Variants in DIAPH2 observed in about 807,000 individuals in gnomAD.
DIAPH2 encodes the protein diaphanous related formin 2.
A neutral mutation model predicts 92.7 loss-of-function variants in DIAPH2; 35 were observed. That is an observed-to-expected ratio of 0.38 (90% confidence interval 0.29 to 0.50). The LOEUF (loss-of-function observed/expected upper bound fraction) is 0.50. Among genes scored for constraint, DIAPH2 ranks in the 20% least tolerant of loss-of-function variants. The pLI is 0.94. For synonymous variants in DIAPH2, 301 were observed against 280.4 expected, an observed-to-expected ratio of 1.07 and a Z score of -0.73; for missense variants, 701 against 819.5, an observed-to-expected ratio of 0.86 and a Z score of 1.77.
chrX:97,143,322 A>AC, intron 22 of DIAPH2, among the ~76,000 whole-genome samples: 1 of 110,883 alleles, frequency 9.0e-6, no homozygotes, highest in East Asian at 2.8e-4. Context: ...AAGACCAGTT[A>AC]TTAAATTAGC....
intron 26 of DIAPH2, among the ~76,000 whole-genome samples, chrX:97,497,862 G>GTC (rs774631417): frequency 1.9e-3 from 207 of 110,852 alleles, no homozygotes; most frequent in African/African-American, 6.4e-3. Context: ...GAGTGAGTGA[G>GTC]TCTCTCTCTC....
At chrX:97,245,990 CCTCCTGGGTTTGAGTGATT>C (rs2068139167) in intron 22 of DIAPH2, among the ~76,000 whole-genome samples, 1 of 107,788 alleles carries the variant, frequency 9.3e-6, no homozygotes, top group Admixed American at 1.0e-4. Flanking sequence ...GCAACCTCCA[CCTCCTGGGTTTGAGTGATT>C]CTCCTGCCTT....
Position 96,939,332 on chromosome X carries a change from C to A in DIAPH2, c.1275C>A (p.Phe425Leu), listed in dbSNP as rs20361. The change falls in exon 12 of 27, where the codon TTC becomes TTA. Residue 425 changes from phenylalanine (F) to leucine (L), a missense_variant. Phe to Leu is a conservative substitution (Grantham distance 22). Around this residue, in one of 3 missense-constraint regions of DIAPH2, gnomAD observed 536 missense variants for 599.3 expected, o/e 0.89. Coordinates refer to ENST00000324765, the MANE Select transcript of DIAPH2 (RefSeq NM_006729.5). ...MLKDTAAENY[F>L]LSILQHFLLI... is the part of the protein sequence containing the mutation. ...AGGACACTGCTGCTGAAAATTACTT[C>A]TTATCTATTCTACAACATTTTTTGC... 34 of 1,149,075 alleles carry A rather than the reference C, an allele frequency of 3.0e-5. No individual in the cohort carries two copies. The highest frequency in any genetic ancestry group is 3.7e-5 in the Non-Finnish European group (31 of 848,487). 94.7% of individuals were successfully genotyped at this position (1,149,075 alleles called of 1,213,427 possible). A position where few individuals can be genotyped will look rare whatever the true frequency, so the allele number is the denominator to read the frequency against.
At position 97,600,606 on chromosome X, in the gene DIAPH2, C is replaced by A. The variant is rs1657854113; in HGVS notation, c.*1289C>A. The A allele has an allele frequency of 8.9e-6, 1 of 112,277 alleles. No homozygotes were observed. Among genetic ancestry groups the A allele is most frequent in the African/African-American group, 3.2e-5 (1 of 30,845 alleles). 9.3% of individuals were successfully genotyped at this position (112,277 alleles called of 1,213,427 possible). ...ATTAGGGAGTAAAAGTTATACTTAA[C>A]TTGTCTGTCTATTATTTTAAAATAT... On this transcript the variant is annotated 3_prime_UTR_variant, in exon 27 of 27. Transcript: ENST00000324765.
intron 23 of DIAPH2, among the ~76,000 whole-genome samples, chrX:97,331,817 G>T (rs1197044732): frequency 8.9e-6 from 1 of 111,832 alleles, no homozygotes; most frequent in African/African-American, 3.2e-5. Context: ...AATGGATTCT[G>T]ATCTTCAAAC....
intron 26 of DIAPH2, among the ~76,000 whole-genome samples, chrX:97,544,762 G>A (rs2071166935): frequency 8.9e-6 from 1 of 112,140 alleles, no homozygotes; most frequent in South Asian, 3.7e-4. Flanking sequence ...TAAGTTGTCT[G>A]AATCATTGGG....
intron 17 of DIAPH2, among the ~76,000 whole-genome samples, chrX:96,993,692 C>T (rs1050505280): frequency 2.3e-4 from 26 of 111,532 alleles, no homozygotes; most frequent in African/African-American, 7.5e-4. Flanking sequence ...GGACTCAGAA[C>T]GTAACTATAT....
intron 9 of DIAPH2, among the ~76,000 whole-genome samples, chrX:96,926,230 C>G (rs1252495009): frequency 9.0e-6 from 1 of 111,259 alleles, no homozygotes; most frequent in Non-Finnish European, 1.9e-5. Context: ...AAGGTTCTAG[C>G]ATTTTTCCAG....
intron 23 of DIAPH2, among the ~76,000 whole-genome samples, chrX:97,280,288 C>A (rs1389206276): frequency 1.8e-5 from 2 of 109,071 alleles, no homozygotes; most frequent in Non-Finnish European, 3.8e-5. Flanking sequence ...TCCTGGCTAA[C>A]ACGGTGAAAC....
At chrX:97,313,184 CAAAAT>C (rs948307485) in intron 23 of DIAPH2, among the ~76,000 whole-genome samples, 3 of 110,436 alleles carry the variant, frequency 2.7e-5, no homozygotes, top group South Asian at 4.0e-4. Flanking sequence ...GACTCCGTCT[CAAAAT>C]AAAATAAAAT....
chrX:96,763,191 A>G (rs2064279620), intron 4 of DIAPH2: 3 of 751,523 alleles, frequency 4.0e-6, no homozygotes, highest in African/African-American at 2.2e-5. Flanking sequence ...TTTTGCTTGT[A>G]GTATTTTATA....
At chrX:97,232,768 A>G (rs2068019357) in intron 22 of DIAPH2, among the ~76,000 whole-genome samples, 1 of 111,284 alleles carries the variant, frequency 9.0e-6, no homozygotes, top group Non-Finnish European at 1.9e-5. Flanking sequence ...TTAGCCTCCT[A>G]ATGGAGTTGG....
chrX:96,945,535 G>A lies in DIAPH2; in HGVS notation c.1453G>A (p.Val485Met). Residue 485 changes from valine (V) to methionine (M), a missense_variant, in exon 14 of 27, where the codon GTG (valine) becomes ATG (methionine). Physicochemically the swap from Val to Met is conservative, Grantham distance 21. This residue lies in a region of DIAPH2 where 536 missense variants were observed against 599.3 expected (regional missense o/e 0.89). Transcript: ENST00000324765. The part of the protein sequence containing the change: ...IDLTHLIDSC[V>M]NKAKVEESEQ... ...TTGTTTGATCTTAATAGATTCTTGTGTGAACAAGGCGAAAGTTGAAGAAAG... is the reference window on the plus strand; with the variant it reads ...TTGTTTGATCTTAATAGATTCTTGTATGAACAAGGCGAAAGTTGAAGAAAG... 8.6e-7 allele frequency: 1 copy of A among 1,162,343 alleles called. No individual in the cohort carries two copies. Among genetic ancestry groups the A allele is most frequent in the Non-Finnish European group, 1.1e-6 (1 of 876,788 alleles).
At chrX:96,978,241 C>T (rs1313130370) in intron 17 of DIAPH2, among the ~76,000 whole-genome samples, 1 of 111,574 alleles carries the variant, frequency 9.0e-6, no homozygotes, top group Non-Finnish European at 1.9e-5. Flanking sequence ...TCCATTTAGT[C>T]AATTAATCCT....
rs1556276820 is a variant in DIAPH2, at chrX:97,601,199, A to ATTC, written c.*1885_*1887dup. ...AAATCTTCGTGGTATGGCTTTTTTAATTCTTTTGACAGCTTATCAGTCTGT... is the reference window on the plus strand; with the variant it reads ...AAATCTTCGTGGTATGGCTTTTTTAATTCTTCTTTTGACAGCTTATCAGTCTGT... On this transcript the variant is annotated 3_prime_UTR_variant, in exon 27 of 27. Transcript: ENST00000324765. 1.8e-5 allele frequency: 2 copies of ATTC among 111,898 alleles called. No individual in the cohort carries two copies. The highest frequency in any genetic ancestry group is 3.8e-5 in the Non-Finnish European group (2 of 53,099). 9.2% of individuals were successfully genotyped at this position (111,898 alleles called of 1,213,427 possible).
At chrX:96,962,312 C>CACAT (rs771291576) in intron 16 of DIAPH2, among the ~76,000 whole-genome samples, 27 of 59,494 alleles carry the variant, frequency 4.5e-4, no homozygotes, top group South Asian at 1.5e-3. Context: ...TATATATATA[C>CACAT]ATATATATAT....
chrX:96,986,454 T>C (rs903493432), intron 17 of DIAPH2, among the ~76,000 whole-genome samples: 1 of 111,597 alleles, frequency 9.0e-6, no homozygotes, highest in Non-Finnish European at 1.9e-5. Context: ...ACCACTGCCA[T>C]TGAGGAAGTT....
chrX:97,062,807 T>C (rs369498987), intron 17 of DIAPH2, among the ~76,000 whole-genome samples: 7 of 107,189 alleles, frequency 6.5e-5, no homozygotes, highest in Admixed American at 5.0e-4. Flanking sequence ...CTGAGGTGGG[T>C]GGATTACTTG....
chrX:97,366,001 A>G (rs1484843565), intron 24 of DIAPH2, among the ~76,000 whole-genome samples: 1 of 111,652 alleles, frequency 9.0e-6, no homozygotes, highest in Non-Finnish European at 1.9e-5. Flanking sequence ...CTCATATCAT[A>G]TTGTTAATGT....
Sources: allele counts gnomAD v4.1 joint callset (sites outside exome capture counted in the v4.1 genomes callset), GRCh38; gene constraint gnomAD v4.1.1; regional missense constraint gnomAD v4.1.1; transcripts MANE v1.5; gene names NCBI Gene and HGNC (gene_info 2026-07-23, HGNC 2026-07-21).